TNFSF4: variants seen among roughly 807,000 people sequenced by gnomAD.
TNFSF4 encodes the protein tumor necrosis factor ligand superfamily member 4.
In TNFSF4, 4 loss-of-function variants were observed where a neutral mutation model predicts 7.3. The observed-to-expected ratio is 0.55, with a 90% confidence interval of 0.27 to 1.25. TNFSF4 has a LOEUF of 1.25. Ranked by LOEUF, TNFSF4 falls within the 50% of genes most tolerant of loss-of-function variation. TNFSF4 has a pLI of 0.12. For missense variants in TNFSF4, 181 were observed against 208.8 expected, an observed-to-expected ratio of 0.87 and a Z score of 0.82; for synonymous variants, 76 against 83.7, an observed-to-expected ratio of 0.91 and a Z score of 0.50.
the TNFSF4 span, among the ~76,000 whole-genome samples, chr1:173,287,769 T>C: frequency 2.0e-5 from 3 of 152,156 alleles, no homozygotes; most frequent in Admixed American, 2.0e-4. Flanking sequence ...CACAGATAAA[T>C]CTTAAACCAT....
downstream of TNFSF4, among the ~76,000 whole-genome samples, chr1:173,181,680 T>C (rs1219361940): frequency 6.6e-6 from 1 of 152,180 alleles, no homozygotes; most frequent in African/African-American, 2.4e-5. Flanking sequence ...CCCAGGCCCT[T>C]AGTCGGAACT....
chr1:173,418,946 C>T, the TNFSF4 span, among the ~76,000 whole-genome samples: 1 of 152,214 alleles, frequency 6.6e-6, no homozygotes, highest in Admixed American at 6.5e-5. Context: ...ATTCACATAT[C>T]GATGACATTT....
At chr1:173,345,659 G>T in the TNFSF4 span, among the ~76,000 whole-genome samples, 16 of 152,348 alleles carry the variant, frequency 1.1e-4, no homozygotes, top group Non-Finnish European at 1.9e-4. Flanking sequence ...ACTAAACCCA[G>T]CAGGATTCTT....
At chr1:173,441,197 A>G in the TNFSF4 span, among the ~76,000 whole-genome samples, 19 of 151,888 alleles carry the variant, frequency 1.3e-4, no homozygotes, top group African/African-American at 4.6e-4. Flanking sequence ...TTTTTCTCCT[A>G]TCCACCCTCT....
At chr1:173,264,369 AG>A in the TNFSF4 span, among the ~76,000 whole-genome samples, 1 of 132,324 alleles carries the variant, frequency 7.6e-6, no homozygotes, top group Admixed American at 9.2e-5. Context: ...TATGTTGCTC[AG>A]GCTGGACTCA....
chr1:173,397,637 T>C, the TNFSF4 span, among the ~76,000 whole-genome samples: 7 of 152,326 alleles, frequency 4.6e-5, no homozygotes, highest in East Asian at 5.8e-4. Context: ...GAAACAGATA[T>C]AGTCAGTAGC....
At chr1:173,367,373 C>T in the TNFSF4 span, among the ~76,000 whole-genome samples, 6 of 152,140 alleles carry the variant, frequency 3.9e-5, no homozygotes, top group African/African-American at 1.4e-4. Flanking sequence ...CAGAGGATTC[C>T]GTTTTCTAGA....
chr1:173,436,374 T>C, the TNFSF4 span, among the ~76,000 whole-genome samples: 1 of 152,210 alleles, frequency 6.6e-6, no homozygotes, highest in African/African-American at 2.4e-5. Context: ...AGGTCTTACA[T>C]GACAACTCCA....
the TNFSF4 span, among the ~76,000 whole-genome samples, chr1:173,252,834 T>A: frequency 6.6e-6 from 1 of 152,190 alleles, no homozygotes; most frequent in Non-Finnish European, 1.5e-5. Flanking sequence ...AAAACTTCCA[T>A]AGAAATTTCT....
chr1:173,415,963 T>C, the TNFSF4 span, among the ~76,000 whole-genome samples: 15 of 152,108 alleles, frequency 9.9e-5, no homozygotes, highest in Non-Finnish European at 2.2e-4. Context: ...AGGAATGTCA[T>C]GATGTGGGAC....
At chr1:173,360,301 C>G in the TNFSF4 span, among the ~76,000 whole-genome samples, 1 of 152,258 alleles carries the variant, frequency 6.6e-6, no homozygotes, top group Admixed American at 6.5e-5. Context: ...GGAATGAGAG[C>G]TGTCAGGACC....
chr1:173,200,374 A>G (rs1447751514), intron 1 of TNFSF4, among the ~76,000 whole-genome samples: 1 of 152,240 alleles, frequency 6.6e-6, no homozygotes, highest in African/African-American at 2.4e-5. Context: ...AGCTCTGCAA[A>G]GATGAGAGAC....
At chr1:173,286,164 C>T in the TNFSF4 span, among the ~76,000 whole-genome samples, 1 of 152,164 alleles carries the variant, frequency 6.6e-6, no homozygotes, top group Non-Finnish European at 1.5e-5. Context: ...GTTACAATGT[C>T]ATTTCACCTC....
chr1:173,188,770 T>C (rs1326633283), intron 1 of TNFSF4, among the ~76,000 whole-genome samples: 1 of 152,122 alleles, frequency 6.6e-6, no homozygotes, highest in Non-Finnish European at 1.5e-5. Flanking sequence ...TGGAGTGCAG[T>C]GACACAATCA....
chr1:173,180,752 G>T (rs191413333), downstream of TNFSF4, among the ~76,000 whole-genome samples: 62 of 152,264 alleles, frequency 4.1e-4, no homozygotes, highest in Non-Finnish European at 1.3e-4. Context: ...AAATAATTTG[G>T]TATATTTTAT....
the TNFSF4 span, among the ~76,000 whole-genome samples, chr1:173,392,572 C>T: frequency 0.012 from 1,878 of 152,298 alleles, 37 homozygotes; most frequent in African/African-American, 0.043. Flanking sequence ...ACTCATTGAG[C>T]ACACATTTAC....
chr1:173,198,733 C>T (rs898931878), intron 1 of TNFSF4, among the ~76,000 whole-genome samples: 1 of 152,176 alleles, frequency 6.6e-6, no homozygotes, highest in Non-Finnish European at 1.5e-5. Context: ...CAAGCTTGCA[C>T]ATGTACCCCT....
At chr1:173,309,256 G>A in the TNFSF4 span, among the ~76,000 whole-genome samples, 1 of 151,754 alleles carries the variant, frequency 6.6e-6, no homozygotes, top group Admixed American at 6.6e-5. Flanking sequence ...GTAAAATTTT[G>A]AACAGTAACG....
chr1:173,392,850 A>G, the TNFSF4 span, among the ~76,000 whole-genome samples: 1 of 152,180 alleles, frequency 6.6e-6, no homozygotes, highest in African/African-American at 2.4e-5. Flanking sequence ...CATATATAAA[A>G]CACTGATGAA....
Sources: allele counts gnomAD v4.1 joint callset (sites outside exome capture counted in the v4.1 genomes callset), GRCh38; gene constraint gnomAD v4.1.1; transcripts MANE v1.5; gene names NCBI Gene and HGNC (gene_info 2026-07-23, HGNC 2026-07-21).